PLXNA2: variants seen among roughly 807,000 people sequenced by gnomAD.
PLXNA2 encodes plexin A2.
PLXNA2 carries 91 observed loss-of-function variants against 193.5 expected under a neutral mutation model. That is an observed-to-expected ratio of 0.47 (90% CI 0.40 to 0.56). The LOEUF (loss-of-function observed/expected upper bound fraction) is 0.56, where lower values mean the gene tolerates loss of function less well. PLXNA2 is among the 20% of genes least tolerant of loss of function. The pLI is 0.00. For missense variants in PLXNA2, 1,995 were observed against 2,503.2 expected (o/e 0.80, Z 4.33); for synonymous variants, 997 against 1,027.3 (o/e 0.97, Z 0.56).
chr1:208,243,322 G>C (rs960470340), intron 1 of PLXNA2, among the ~76,000 whole-genome samples: 1 of 152,162 alleles, frequency 6.6e-6, no homozygotes, highest in Admixed American at 6.5e-5. Context: ...GCAGAGCGCC[G>C]GCAGGTGCGC....
At chr1:208,054,241 C>T (rs1460885672) in intron 14 of PLXNA2, among the ~76,000 whole-genome samples, 180 bp downstream of exon 14, 2 of 152,184 alleles carry the variant, frequency 1.3e-5, no homozygotes, top group East Asian at 1.9e-4. Context: ...CATCTCATCC[C>T]GGAAAGACAG....
intron 28 of PLXNA2, among the ~76,000 whole-genome samples, chr1:208,033,059 C>CTT (rs61520990): frequency 6.9e-6 from 1 of 144,614 alleles, no homozygotes. Context: ...ATTTTGTCCT[C>CTT]TTTTTTTTTT....
At chr1:208,095,923 GGTGACTACAAC>G in intron 8 of PLXNA2, 95 bp downstream of exon 8, 1 of 821,790 alleles carries the variant, frequency 1.2e-6, no homozygotes, top group Non-Finnish European at 2.1e-6. Context: ...GAAACTGTGA[GGTGACTACAAC>G]GTGGTTCCTG....
At chr1:208,136,458 C>T (rs1032292413) in intron 4 of PLXNA2, among the ~76,000 whole-genome samples, 1 of 152,184 alleles carries the variant, frequency 6.6e-6, no homozygotes, top group Non-Finnish European at 1.5e-5. Context: ...CGTGGAGAAA[C>T]CAGAAATGAA....
chr1:208,087,155 T>A (rs1007674858), intron 9 of PLXNA2, among the ~76,000 whole-genome samples: 1 of 152,074 alleles, frequency 6.6e-6, no homozygotes, highest in African/African-American at 2.4e-5. Context: ...AGTAGCAGGA[T>A]CTTAAAGATG....
At position 208,031,734 on chromosome 1, in the gene PLXNA2, T is replaced by A; in HGVS notation, c.5081A>T (p.Asp1694Val). 1 of 1,606,766 alleles carries A rather than the reference T, an allele frequency of 6.2e-7. No homozygotes were observed. The highest frequency in any genetic ancestry group is 8.5e-7 in the Non-Finnish European group (1 of 1,175,640). ...TKGTLQKFVD[D>V]LFETLFSTVH... ...AGTGCTGAACAAGGTCTCAAACAAG[T>A]CGTCCACAAACTTCTGCAGGGTGCC... The change falls in exon 29 of 32, where the codon GAC becomes GTC. Residue 1694 changes from aspartate (D) to valine (V), a missense_variant. Asp to Val is a radical substitution (Grantham distance 152). Around this residue, in one of 3 missense-constraint regions of PLXNA2, gnomAD observed 1,291 missense variants for 1,673.6 expected, o/e 0.77. Transcript: ENST00000367033.
Position 208,222,124 on chromosome 1 carries a change from A to C in PLXNA2, c.-80-4122T>G, listed in dbSNP as rs77260056. Among the ~76,000 whole-genome samples the C allele has an allele frequency of 5.5e-3, 842 of 152,266 alleles. 17 individuals are homozygous for C. The highest frequency in any genetic ancestry group is 0.037 in the East Asian group (193 of 5,180). ...CATCCCATCATCTGTCTTAGAATGA[A>C]TTTCCCATCCTCAGTTTGGTAGACA... On this transcript the variant is annotated intron_variant, in intron 1 of 31. Coordinates refer to ENST00000367033, the MANE Select transcript of PLXNA2 (RefSeq NM_025179.4).
At chr1:208,143,700 T>C (rs17012073) in intron 3 of PLXNA2, among the ~76,000 whole-genome samples, 1,781 of 152,170 alleles carry the variant, frequency 0.012, 54 homozygotes, top group East Asian at 0.092. Context: ...TCCTCTCTAA[T>C]GGCTAATTAA....
chr1:208,084,643 C>G, intron 9 of PLXNA2, 63 bp from the exon 10 acceptor site: 1 of 1,504,876 alleles, frequency 6.6e-7, no homozygotes, highest in East Asian at 2.3e-5. Context: ...GTGCCTGGGA[C>G]AGGCAGGCCC....
At chr1:208,242,550 C>T (rs1158866073) in intron 1 of PLXNA2, among the ~76,000 whole-genome samples, 1 of 152,204 alleles carries the variant, frequency 6.6e-6, no homozygotes, top group Non-Finnish European at 1.5e-5. Flanking sequence ...GTGCCACTGT[C>T]ACTCTAAGAT....
chr1:208,045,817 C>G lies in PLXNA2; in HGVS notation c.3495+61G>C, dbSNP rs940725660. The G allele has an allele frequency of 5.7e-6, 9 of 1,592,854 alleles. No homozygotes were observed. The Admixed American group carries it at 1.5e-4, about 27-fold the overall frequency. ...GAAAGAAAGAAAGTCAGGCCAGGAG[C>G]GAGGGGCGCCCTCTGGCATTGCTGC... On this transcript the variant is annotated intron_variant, in intron 18 of 31. Transcript: ENST00000367033.
chr1:208,058,920 G>A (rs1006238764), intron 13 of PLXNA2, among the ~76,000 whole-genome samples: 1 of 152,206 alleles, frequency 6.6e-6, no homozygotes, highest in Admixed American at 6.5e-5. Flanking sequence ...GAGGAGGCAG[G>A]TCTAAAACAC....
intron 5 of PLXNA2, among the ~76,000 whole-genome samples, chr1:208,101,984 T>G (rs1377294710): frequency 6.6e-6 from 1 of 152,194 alleles, no homozygotes; most frequent in Admixed American, 6.5e-5. Flanking sequence ...ATTTACCCCC[T>G]TTTGCCATTC....
chr1:208,210,344 G>A lies in PLXNA2; in HGVS notation c.1307C>T (p.Ala436Val). 8 of 1,614,068 alleles carry A rather than the reference G, an allele frequency of 5.0e-6. No homozygotes were observed. Among genetic ancestry groups the A allele is most frequent in the Non-Finnish European group, 6.8e-6 (8 of 1,180,028 alleles). ...TTSRDRMTSVASYVYNGYSVV... is the reference protein window; with the variant it reads ...TTSRDRMTSVVSYVYNGYSVV... ...GCTGTAGCCGTTGTAAACGTAGGAGGCCACAGAGGTCATGCGGTCCCTGCT... is the reference window on the plus strand; with the variant it reads ...GCTGTAGCCGTTGTAAACGTAGGAGACCACAGAGGTCATGCGGTCCCTGCT... Residue 436 changes from alanine (A) to valine (V), a missense_variant, in exon 3 of 32, where the codon GCC (alanine) becomes GTC (valine). Ala to Val is a moderately conservative substitution (Grantham distance 64). Around this residue, in one of 3 missense-constraint regions of PLXNA2, gnomAD observed 702 missense variants for 812.9 expected, o/e 0.86. Transcript: ENST00000367033.
At chr1:208,166,487 T>C (rs985348733) in intron 3 of PLXNA2, among the ~76,000 whole-genome samples, 1 of 152,204 alleles carries the variant, frequency 6.6e-6, no homozygotes, top group Non-Finnish European at 1.5e-5. Flanking sequence ...CAAAGTATGG[T>C]GCTATGCACA....
At chr1:208,052,607 C>G (rs1262047959) in intron 14 of PLXNA2, 144 bp from the exon 15 acceptor site, 1 of 736,784 alleles carries the variant, frequency 1.4e-6, no homozygotes, top group Non-Finnish European at 2.2e-6. Flanking sequence ...AATGCTCTCT[C>G]TGCTTACCCC....
chr1:208,150,249 G>A (rs1668718093), intron 3 of PLXNA2, among the ~76,000 whole-genome samples: 1 of 152,196 alleles, frequency 6.6e-6, no homozygotes, highest in Non-Finnish European at 1.5e-5. Context: ...TCCCCAATGA[G>A]TTGTTGGTCA....
intron 3 of PLXNA2, among the ~76,000 whole-genome samples, chr1:208,202,411 G>T (rs935307): frequency 0.023 from 3,443 of 152,150 alleles, 87 homozygotes; most frequent in East Asian, 0.12. Flanking sequence ...TTATGATGCC[G>T]GTACCAGAAC....
chr1:208,098,456 TCTCA>T lies in PLXNA2; in HGVS notation c.1731+386_1731+389del, dbSNP rs1326112991. On this transcript the variant is annotated intron_variant, in intron 6 of 31. Coordinates refer to ENST00000367033, the MANE Select transcript of PLXNA2 (RefSeq NM_025179.4). ...TCCTCTCTCTCTCTCTCTCTCTCTC[TCTCA>T]CACACACACACACACACACACACAC... is the stretch of plus-strand genomic sequence containing the variant. 1.6e-3 allele frequency among the ~76,000 whole-genome samples: 170 copies of T among 109,174 alleles called. 3 individuals carry two copies. The South Asian group carries it at 0.032, about 21-fold the overall frequency. 71.6% of individuals were successfully genotyped at this position (109,174 alleles called of 152,430 possible). A position where few individuals can be genotyped will look rare whatever the true frequency, so the allele number is the denominator to read the frequency against.
Sources: gnomAD v4.1 joint callset for allele counts (sites outside exome capture counted in the v4.1 genomes callset) on GRCh38, gnomAD v4.1.1 for gene constraint, gnomAD v4.1.1 regional missense constraint, MANE v1.5 for transcripts, NCBI Gene and HGNC (gene_info 2026-07-23, HGNC 2026-07-21) for gene names.